FBXO31: variants seen among roughly 807,000 people sequenced by gnomAD.
FBXO31 encodes the protein F-box protein 31.
Under a neutral mutation model 54.4 loss-of-function variants are expected in FBXO31, and 24 were observed. The ratio of observed to expected loss-of-function variants is 0.44; its 90% CI spans 0.32 to 0.62. FBXO31 has a LOEUF of 0.62. Ranked by LOEUF, FBXO31 falls within the 20% of genes least tolerant of loss-of-function variation. The probability of loss-of-function intolerance (pLI) is 0.05; values close to 1 mark genes in which losing one functional copy is unlikely to be tolerated. For synonymous variants in FBXO31, 388 were observed against 335.6 expected (o/e 1.16, Z -1.71); for missense variants, 665 against 787.1 (o/e 0.84, Z 1.86).
At chr16:87,387,679 C>T (rs1439274068), upstream of FBXO31, among the ~76,000 whole-genome samples, 2 of 152,134 alleles carry the variant, frequency 1.3e-5, no homozygotes, top group Non-Finnish European at 2.9e-5. Flanking sequence ...TGTTGGCGGG[C>T]GCCTATAGTC....
chr16:87,389,153 T>C (rs1907427871), intron 1 of FBXO31, among the ~76,000 whole-genome samples: 1 of 151,566 alleles, frequency 6.6e-6, no homozygotes, highest in African/African-American at 2.4e-5. Flanking sequence ...TTATAATATA[T>C]ATACAATAGA....
At chr16:87,337,825 TAA>T (rs35518535) in intron 5 of FBXO31, among the ~76,000 whole-genome samples, 165 of 146,786 alleles carry the variant, frequency 1.1e-3, no homozygotes, top group Middle Eastern at 3.6e-3. Context: ...AAACTTCTAT[TAA>T]AAAAAAAAAA....
chr16:87,380,483 C>G (rs1276830257), intron 1 of FBXO31, among the ~76,000 whole-genome samples: 1 of 152,010 alleles, frequency 6.6e-6, no homozygotes, highest in Non-Finnish European at 1.5e-5. Flanking sequence ...CTCACTGCAG[C>G]CTCGACCGCC....
chr16:87,352,509 G>T (rs1905707828), intron 2 of FBXO31, among the ~76,000 whole-genome samples: 1 of 152,034 alleles, frequency 6.6e-6, no homozygotes. Flanking sequence ...AATAATCCAG[G>T]CCAGAAGTCC....
chr16:87,391,697 G>C (rs370763079), upstream of FBXO31: 3 of 152,350 alleles, frequency 2.0e-5, no homozygotes, highest in South Asian at 6.2e-4. Context: ...AACGCGCCAA[G>C]GCTGGGCGTC....
intron 1 of FBXO31, chr16:87,389,416 T>G (rs1907438996): frequency 6.6e-6 from 1 of 152,224 alleles, no homozygotes. Flanking sequence ...CCTCTGGCAA[T>G]GAACCCAAGG....
At chr16:87,369,032 G>C (rs1348262489) in intron 1 of FBXO31, among the ~76,000 whole-genome samples, 1 of 152,034 alleles carries the variant, frequency 6.6e-6, no homozygotes, top group African/African-American at 2.4e-5. Context: ...CAAGTGATCT[G>C]CCTGCCTCGG....
At chr16:87,368,854 CA>C (rs1241136295) in intron 1 of FBXO31, among the ~76,000 whole-genome samples, 2 of 152,142 alleles carry the variant, frequency 1.3e-5, no homozygotes, top group Non-Finnish European at 2.9e-5. Context: ...GGCCGGAGTG[CA>C]GTGGCACCAT....
rs76480016 is a variant in FBXO31 at position 87,356,890 on chromosome 16, A to G, written c.412+3405T>C. The stretch of plus-strand genomic sequence containing the variant: ...CTTTTAGGGCAGGTAGGTGTTTTCA[A>G]TCTCTTTCTGGACAGCTGAAATTCA... On this transcript the variant is annotated intron_variant, in intron 2 of 8. Transcript: ENST00000311635. Among the ~76,000 whole-genome samples the G allele has an allele frequency of 5.0e-3, 767 of 152,244 alleles. 9 individuals carry two copies. Among genetic ancestry groups the G allele is most frequent in the African/African-American group, 0.018 (743 of 41,544 alleles).
At chr16:87,353,542 G>A (rs1229459226) in intron 2 of FBXO31, among the ~76,000 whole-genome samples, 1 of 152,244 alleles carries the variant, frequency 6.6e-6, no homozygotes, top group Non-Finnish European at 1.5e-5. Context: ...AGACAGAGGG[G>A]GCCACGTGGG....
chr16:87,335,437 C>T lies in FBXO31; in HGVS notation c.863G>A (p.Arg288His). The T allele has an allele frequency of 1.9e-6, 3 of 1,612,666 alleles. No homozygotes were observed. Among genetic ancestry groups the T allele is most frequent in the Non-Finnish European group, 2.5e-6 (3 of 1,179,666 alleles). The change falls in exon 7 of 9, where the codon CGC (arginine) becomes CAC (histidine). Residue 288 changes from arginine to histidine, a missense_variant. Arg to His is a conservative substitution (Grantham distance 29). Coordinates refer to ENST00000311635, the MANE Select transcript of FBXO31 (RefSeq NM_024735.5). This position sits in a 1 kb window ranked among gnomAD's most constrained non-coding sequence, Gnocchi z 5.7. ...GGGGCGGCTGGGCGGCAGGTAGATG[C>T]GGCGGTAGGTCAGGCAGTTGCTGTG... ...SQYDNCLTYR[R>H]IYLPPSRPDD...
chr16:87,370,083 G>C (rs1443545027), intron 1 of FBXO31, among the ~76,000 whole-genome samples: 2 of 152,208 alleles, frequency 1.3e-5, no homozygotes, highest in Non-Finnish European at 2.9e-5. Flanking sequence ...GCACAGGCCT[G>C]AATGGGGCCT....
intron 2 of FBXO31, among the ~76,000 whole-genome samples, chr16:87,357,937 C>A (rs1905968508): frequency 6.6e-6 from 1 of 151,556 alleles, no homozygotes; most frequent in Admixed American, 6.6e-5. Context: ...AAGGAGTCAA[C>A]TGTTGCTACC....
rs759771821 is a variant in FBXO31 at position 87,343,813 on chromosome 16, G to A, written c.490-48C>T. 3 of 1,604,832 alleles carry A rather than the reference G, an allele frequency of 1.9e-6. No homozygotes were observed. The African/African-American group carries it at 4.0e-5, about 21-fold the overall frequency. ...GTCCATGAGTGGCTCCCGGGCCAGA[G>A]CAAGGGCGGCCCCGCACGGCTCCCC... On this transcript the variant is annotated intron_variant, in intron 3 of 8. Coordinates refer to ENST00000311635, the MANE Select transcript of FBXO31 (RefSeq NM_024735.5).
rs55746745 is a variant in FBXO31 at position 87,365,010 on chromosome 16, A to AATATATATATATATATATATATAT, written c.341-4668_341-4645dup. ...TGACAGAGCGAGACCCCGTCTCTTA[A>AATATATATATATATATATATATAT]ATATATATATATATATATATATATA... On this transcript the variant is annotated intron_variant, in intron 1 of 8. Coordinates refer to ENST00000311635, the MANE Select transcript of FBXO31 (RefSeq NM_024735.5). Among the ~76,000 whole-genome samples the AATATATATATATATATATATATAT allele has an allele frequency of 7.2e-3, 343 of 47,528 alleles. 15 individuals carry two copies. The highest frequency in any genetic ancestry group is 8.2e-3 in the Non-Finnish European group (226 of 27,622). The allele number at this position is 47,528 out of a possible 152,430, so 31.2% of individuals were successfully genotyped here.
At chr16:87,388,186 C>T (rs1254632179), upstream of FBXO31, among the ~76,000 whole-genome samples, 3 of 152,226 alleles carry the variant, frequency 2.0e-5, no homozygotes, top group African/African-American at 7.2e-5. Flanking sequence ...TGCTTTACCA[C>T]GCGTTCTACT....
intron 1 of FBXO31, among the ~76,000 whole-genome samples, chr16:87,380,545 T>C (rs1164796458): frequency 1.3e-5 from 2 of 152,066 alleles, no homozygotes; most frequent in Non-Finnish European, 2.9e-5. Flanking sequence ...CGCACCACCA[T>C]GACTGGCTAA....
chr16:87,353,069 A>T (rs896962883), intron 2 of FBXO31, among the ~76,000 whole-genome samples: 1 of 152,044 alleles, frequency 6.6e-6, no homozygotes, highest in African/African-American at 2.4e-5. Flanking sequence ...GATTAACATG[A>T]GCTCTATTTC....
chr16:87,385,063 T>C (rs1907279308), upstream of FBXO31, among the ~76,000 whole-genome samples: 2 of 151,840 alleles, frequency 1.3e-5, no homozygotes, highest in East Asian at 1.9e-4. Flanking sequence ...CTCACGCCTG[T>C]AATTCTAGCA....
Sources: gnomAD v4.1 joint callset for allele counts (sites outside exome capture counted in the v4.1 genomes callset) on GRCh38, gnomAD v4.1.1 for gene constraint, Gnocchi (gnomAD v3.1) non-coding constraint, MANE v1.5 for transcripts, NCBI Gene and HGNC (gene_info 2026-07-23, HGNC 2026-07-21) for gene names.